Variants in ANXA2 observed in about 807,000 individuals in gnomAD.
ANXA2 encodes the protein annexin II.
Under a neutral mutation model 47.3 loss-of-function variants are expected in ANXA2, and 28 were observed. The ratio of observed to expected loss-of-function variants is 0.59; its 90% confidence interval spans 0.44 to 0.81. The LOEUF (loss-of-function observed/expected upper bound fraction) is 0.81. ANXA2 is among the 40% of genes least tolerant of loss of function. The pLI, the probability that ANXA2 is intolerant of heterozygous loss-of-function variation, is 0.00. For missense variants in ANXA2, 384 were observed against 414.3 expected, an observed-to-expected ratio of 0.93 and a Z score of 0.64; for synonymous variants, 172 against 155.5, an observed-to-expected ratio of 1.11 and a Z score of -0.79.
chr15:60,396,210 C>T (rs1312128602), intron 1 of ANXA2: 1 of 152,160 alleles, frequency 6.6e-6, no homozygotes, highest in African/African-American at 2.4e-5. Flanking sequence ...GGCCCACGAC[C>T]ACGCCCAGTA....
chr15:60,388,539 A>T (rs1414677075), intron 1 of ANXA2, among the ~76,000 whole-genome samples: 1 of 151,652 alleles, frequency 6.6e-6, no homozygotes, highest in African/African-American at 2.4e-5. Context: ...CAACTATGAT[A>T]TGTTGAATAT....
chr15:60,357,553 G>A (rs191999059), intron 5 of ANXA2, among the ~76,000 whole-genome samples: 76 of 152,206 alleles, frequency 5.0e-4, no homozygotes, highest in African/African-American at 1.8e-3. Flanking sequence ...CAGCACTTTG[G>A]GAGGCCAAGG....
intron 7 of ANXA2, 140 bp downstream of exon 7, chr15:60,355,779 G>A (rs747690155): frequency 3.9e-6 from 3 of 778,112 alleles, no homozygotes; most frequent in African/African-American, 1.7e-5. Flanking sequence ...TGCAGTGACA[G>A]TGCAAACCCA....
intron 3 of ANXA2, among the ~76,000 whole-genome samples, chr15:60,370,322 T>C (rs190934121): frequency 6.6e-6 from 1 of 152,272 alleles, no homozygotes; most frequent in East Asian, 1.9e-4. Context: ...GCATCAGCTA[T>C]TTCTCCCATA....
At chr15:60,368,644 T>C (rs998880362) in intron 3 of ANXA2, among the ~76,000 whole-genome samples, 2 of 152,014 alleles carry the variant, frequency 1.3e-5, no homozygotes, top group Non-Finnish European at 2.9e-5. Flanking sequence ...TATAAGAAAA[T>C]ACCTAGAAGT....
At chr15:60,372,033 C>T (rs940792344) in intron 3 of ANXA2, among the ~76,000 whole-genome samples, 6 of 152,092 alleles carry the variant, frequency 3.9e-5, no homozygotes, top group African/African-American at 1.2e-4. Context: ...CGTGTAATCC[C>T]AGCTACTCGG....
At chr15:60,373,229 A>G (rs2062733619) in intron 3 of ANXA2, among the ~76,000 whole-genome samples, 1 of 152,228 alleles carries the variant, frequency 6.6e-6, no homozygotes, top group African/African-American at 2.4e-5. Context: ...TACATTTGGT[A>G]ATCTGTAGAT....
chr15:60,395,136 G>A (rs560130344), intron 1 of ANXA2, among the ~76,000 whole-genome samples: 1 of 152,268 alleles, frequency 6.6e-6, no homozygotes, highest in African/African-American at 2.4e-5. Context: ...GGATTAAAGG[G>A]GAAATGAACT....
intron 3 of ANXA2, among the ~76,000 whole-genome samples, chr15:60,366,714 G>A (rs1270416636): frequency 7.2e-5 from 10 of 138,000 alleles, no homozygotes; most frequent in Admixed American, 1.4e-4. Context: ...CGCCCCGTCC[G>A]GGAGGTGAGG....
intron 4 of ANXA2, chr15:60,363,061 T>G (rs2062542306): frequency 9.2e-6 from 1 of 108,208 alleles, no homozygotes; most frequent in Non-Finnish European, 2.0e-5. Flanking sequence ...AAAAAAAAGT[T>G]TCAGGCTTCT....
intron 7 of ANXA2, 115 bp from the exon 8 acceptor site, chr15:60,354,328 G>A (rs974412610): frequency 2.3e-6 from 2 of 873,634 alleles, no homozygotes; most frequent in South Asian, 1.8e-5. Context: ...AAGTAACCAC[G>A]TAAGATTTTT....
At chr15:60,397,770 A>G (rs2140954168) in intron 1 of ANXA2, 173 bp downstream of exon 1, 4 of 896,860 alleles carry the variant, frequency 4.5e-6, no homozygotes, top group South Asian at 6.2e-5. Context: ...CTTGTCCCTG[A>G]GCCCCCTCCC....
At chr15:60,351,292 G>A in intron 10 of ANXA2, 41 bp from the exon 11 acceptor site, 4 of 1,598,708 alleles carry the variant, frequency 2.5e-6, no homozygotes, top group East Asian at 2.2e-5. Flanking sequence ...CAGCTGCTCT[G>A]GTCTCTCCTC....
chr15:60,374,774 C>T, intron 3 of ANXA2: 1 of 447,026 alleles, frequency 2.2e-6, no homozygotes, highest in South Asian at 1.6e-5. Flanking sequence ...CCTCTTTGTT[C>T]CCAGCACTGC....
rs762206405 is a variant in ANXA2, at chr15:60,352,527, C to CA, written c.589-52dup. ...GTTAACTACACATCCAATGTAACGT[C>CA]AAAAAAAATGTCATGCAAAAAAAAC... On this transcript the variant is annotated intron_variant, in intron 8 of 12. Coordinates refer to ENST00000451270, the MANE Select transcript of ANXA2 (RefSeq NM_004039.3). This position sits in a 1 kb window ranked among gnomAD's most constrained non-coding sequence, Gnocchi z 4.2. 6.3e-5 allele frequency: 82 copies of CA among 1,297,222 alleles called. No homozygotes were observed. Among genetic ancestry groups the CA allele is most frequent in the Admixed American group, 2.6e-4 (12 of 46,374 alleles). The allele number at this position is 1,297,222 out of a possible 1,614,324, so 80.4% of individuals were successfully genotyped here. A position where few individuals can be genotyped will look rare whatever the true frequency, so the allele number is the denominator to read the frequency against.
In ANXA2 at chr15:60,365,700, A is replaced by C. The variant is rs143024947; in HGVS notation, c.149-1177T>G. Reference sequence around the variant, plus strand: ...GGGTATAAAAATAAATAACTTTTTAAAATGTATATGCTCATTTCAAAGCAA... The same window carrying C: ...GGGTATAAAAATAAATAACTTTTTACAATGTATATGCTCATTTCAAAGCAA... On this transcript the variant is annotated intron_variant, in intron 3 of 12. Coordinates refer to ENST00000451270, the MANE Select transcript of ANXA2 (RefSeq NM_004039.3). Among the ~76,000 whole-genome samples the C allele has an allele frequency of 1.5e-4, 23 of 152,362 alleles. No homozygotes were observed. The East Asian group carries it at 4.4e-3, about 29-fold the overall frequency.
rs114392026 is a variant in ANXA2, at chr15:60,378,152, C to T, written c.148+4190G>A. 5.3e-3 allele frequency among the ~76,000 whole-genome samples: 808 copies of T among 152,142 alleles called. 9 individuals carry two copies. Among genetic ancestry groups the T allele is most frequent in the African/African-American group, 0.019 (771 of 41,502 alleles). On this transcript the variant is annotated intron_variant, in intron 3 of 12. Coordinates refer to ENST00000451270, the MANE Select transcript of ANXA2 (RefSeq NM_004039.3). ...TTGTGATCACATAGCATATACCATC[C>T]CATTTCTATTTCTTGATGCAACTGA...
chr15:60,354,302 A>G, intron 7 of ANXA2, 89 bp from the exon 8 acceptor site: 2 of 1,070,912 alleles, frequency 1.9e-6, no homozygotes, highest in Non-Finnish European at 2.7e-6. Flanking sequence ...GTACGCCATT[A>G]TTTAATTTCC....
At chr15:60,348,324 C>G (rs1895822084) in intron 12 of ANXA2, among the ~76,000 whole-genome samples, 1 of 152,206 alleles carries the variant, frequency 6.6e-6, no homozygotes, top group Non-Finnish European at 1.5e-5. Context: ...CCATCACTTC[C>G]TTACTGCAAA....
Sources: gnomAD v4.1 joint callset for allele counts (sites outside exome capture counted in the v4.1 genomes callset) on GRCh38, gnomAD v4.1.1 for gene constraint, Gnocchi (gnomAD v3.1) non-coding constraint, MANE v1.5 for transcripts, NCBI Gene and HGNC (gene_info 2026-07-23, HGNC 2026-07-21) for gene names.